Variants in USP35 observed in about 807,000 individuals in gnomAD.
USP35 encodes the protein ubiquitin specific peptidase 35.
In USP35, 69 loss-of-function variants were observed where a neutral mutation model predicts 83.8. That is an observed-to-expected ratio of 0.82 (90% CI 0.68 to 1.01). USP35 has a LOEUF of 1.01. Among genes scored for constraint, USP35 ranks in the 50% least tolerant of loss-of-function variants. The probability of loss-of-function intolerance (pLI) is 0.00; values close to 1 mark genes in which losing one functional copy is unlikely to be tolerated. For synonymous variants in USP35, 714 were observed against 589.5 expected, an observed-to-expected ratio of 1.21 and a Z score of -3.06; for missense variants, 1,503 against 1,362.5, an observed-to-expected ratio of 1.10 and a Z score of -1.62.
rs754314155 is a variant in USP35, at chr11:78,210,285, C to A, written c.2430C>A (p.Arg810=). Residue 810 remains arginine (R), a synonymous_variant, in exon 10 of 11, where the codon CGC becomes CGA. Transcript: ENST00000529308. ...GPCYLILTLL[R]FSFDLRTMRR... Reference sequence around the variant, plus strand: ...GCTACCTCATCCTCACACTGCTGCGCTTCTCTTTCGACCTGCGCACCATGC... The same window carrying A: ...GCTACCTCATCCTCACACTGCTGCGATTCTCTTTCGACCTGCGCACCATGC... 3 of 1,614,110 alleles carry A rather than the reference C, an allele frequency of 1.9e-6. No individual in the cohort carries two copies. The highest frequency in any genetic ancestry group is 2.5e-6 in the Non-Finnish European group (3 of 1,180,032).
the USP35 span, among the ~76,000 whole-genome samples, chr11:78,230,056 G>A: frequency 6.6e-6 from 1 of 152,202 alleles, no homozygotes; most frequent in Non-Finnish European, 1.5e-5. Context: ...TTTCCTTGAG[G>A]AAAGAAACTG....
downstream of USP35, chr11:78,217,555 G>T (rs186554426): frequency 6.6e-6 from 1 of 152,370 alleles, no homozygotes; most frequent in Non-Finnish European, 1.5e-5. Context: ...TTGGGAGGAA[G>T]AAGTTCTGTT....
At chr11:78,212,927 T>C (rs1590921081) in intron 10 of USP35, among the ~76,000 whole-genome samples, 2 of 151,076 alleles carry the variant, frequency 1.3e-5, no homozygotes, top group African/African-American at 2.4e-5. Context: ...GGGGAGGGGG[T>C]CCCACTACCC....
the USP35 span, among the ~76,000 whole-genome samples, chr11:78,221,085 C>G: frequency 2.6e-5 from 4 of 152,290 alleles, no homozygotes; most frequent in Middle Eastern, 3.4e-3. Flanking sequence ...GGCTCGTGCT[C>G]TAGCAGAGCA....
intron 10 of USP35, among the ~76,000 whole-genome samples, chr11:78,211,088 G>A (rs939586030): frequency 6.6e-5 from 10 of 151,854 alleles, no homozygotes; most frequent in East Asian, 5.8e-4. Flanking sequence ...CCTGAAGCTC[G>A]CCCTCCCCCG....
Position 78,214,575 on chromosome 11 carries a change from GCCTTTGTAGCTGCAA to G in USP35, c.*764_*778del, listed in dbSNP as rs1864011215. 6.6e-6 allele frequency: 1 copy of G among 151,992 alleles called. No homozygotes were observed. Among genetic ancestry groups the G allele is most frequent in the Admixed American group, 6.5e-5 (1 of 15,282 alleles). The allele number at this position is 151,992 out of a possible 1,614,324, so 9.4% of individuals were successfully genotyped here. ...GCCTGTGGGCTCCTCTGAGCAGTTG[GCCTTTGTAGCTGCAA>G]CAGCAGCCACCTGCAGGTTGGGTGA... On this transcript the variant is annotated 3_prime_UTR_variant, in exon 11 of 11. Transcript: ENST00000529308.
chr11:78,214,034 C>T lies in USP35; in HGVS notation c.*221C>T, dbSNP rs965865658. 4.2e-6 allele frequency: 2 copies of T among 478,266 alleles called. No individual in the cohort carries two copies. Among genetic ancestry groups the T allele is most frequent in the African/African-American group, 4.1e-5 (2 of 49,218 alleles). The allele number at this position is 478,266 out of a possible 1,614,324, so 29.6% of individuals were successfully genotyped here. A position where few individuals can be genotyped will look rare whatever the true frequency, so the allele number is the denominator to read the frequency against. On this transcript the variant is annotated 3_prime_UTR_variant, in exon 11 of 11. Transcript: ENST00000529308. ...CATTAAAACTTTACACCCAAGTGTC[C>T]TGGTTAACTTGAAGCAGCCGAGATG...
chr11:78,210,759 G>A lies in USP35; in HGVS notation c.2889+15G>A, dbSNP rs1159391547. ...TTTACCTACAGGTGAGCTGAGCCGT[G>A]GGGCCTTTGATCTGATCTCTTGGTG... On this transcript the variant is annotated intron_variant, in intron 10 of 10. Coordinates refer to ENST00000529308, the MANE Select transcript of USP35 (RefSeq NM_020798.4). 6.6e-7 allele frequency: 1 copy of A among 1,520,000 alleles called. No homozygotes were observed. Among genetic ancestry groups the A allele is most frequent in the Non-Finnish European group, 8.8e-7 (1 of 1,136,292 alleles). 94.2% of individuals were successfully genotyped at this position (1,520,000 alleles called of 1,614,324 possible).
the USP35 span, among the ~76,000 whole-genome samples, chr11:78,226,050 C>T: frequency 3.3e-5 from 5 of 152,194 alleles, no homozygotes; most frequent in South Asian, 2.1e-4. Context: ...ATTAAGACCT[C>T]GTTTTGCTTT....
At chr11:78,204,746 G>A (rs1394781525) in intron 6 of USP35, among the ~76,000 whole-genome samples, 2 of 152,192 alleles carry the variant, frequency 1.3e-5, no homozygotes, top group South Asian at 2.1e-4. Context: ...CTGTCTTCCC[G>A]CTGGCATCTC....
chr11:78,226,808 A>C, the USP35 span: 1 of 1,614,010 alleles, frequency 6.2e-7, no homozygotes, highest in Non-Finnish European at 8.5e-7. Flanking sequence ...CATCCTCATT[A>C]TCTGTCTCGG....
Position 78,200,764 on chromosome 11 carries a change from C to T in USP35, c.1153C>T (p.Pro385Ser), listed in dbSNP as rs749442111. 2 of 1,614,052 alleles carry T rather than the reference C, an allele frequency of 1.2e-6. No individual in the cohort carries two copies. The highest frequency in any genetic ancestry group is 1.7e-6 in the Non-Finnish European group (2 of 1,179,944). Residue 385 changes from proline to serine, a missense_variant, in exon 6 of 11, where the codon CCG becomes TCG. Transcript: ENST00000529308. ...ELVHCMVFRF[P>S]GFPDLYEPVM... ...GGTCCACTGCATGGTGTTCCGGTTC[C>T]CGGGCTTCCCGGATCTGTATGAGCC...
At chr11:78,210,781 G>A in intron 10 of USP35, 37 bp downstream of exon 10, 1 of 1,499,376 alleles carries the variant, frequency 6.7e-7, no homozygotes, top group East Asian at 2.3e-5. Flanking sequence ...CTGATCTCTT[G>A]GTGGAGGGAG....
chr11:78,195,264 A>G (rs1184609868), intron 1 of USP35, among the ~76,000 whole-genome samples: 7 of 152,216 alleles, frequency 4.6e-5, no homozygotes, highest in East Asian at 3.8e-4. Flanking sequence ...GACCAGGGCT[A>G]TTCTCACTGA....
intron 1 of USP35, among the ~76,000 whole-genome samples, chr11:78,193,064 A>G (rs1235025213): frequency 6.6e-6 from 1 of 152,132 alleles, no homozygotes; most frequent in African/African-American, 2.4e-5. Flanking sequence ...AGCATATGAA[A>G]TCCACTAGCC....
chr11:78,213,574 G>A (rs1863896169), intron 10 of USP35, 72 bp from the exon 11 acceptor site: 2 of 1,419,926 alleles, frequency 1.4e-6, no homozygotes, highest in South Asian at 1.7e-5. Context: ...GAAAGGTGTT[G>A]TGCTGGGTAG....
chr11:78,193,463 C>T (rs1275648157), intron 1 of USP35, among the ~76,000 whole-genome samples: 1 of 151,896 alleles, frequency 6.6e-6, no homozygotes, highest in African/African-American at 2.4e-5. Context: ...CCTCGGCCTC[C>T]CAGAGTGCTA....
intron 3 of USP35, 119 bp downstream of exon 3, chr11:78,198,187 C>T: frequency 1.4e-6 from 2 of 1,444,178 alleles, no homozygotes; most frequent in East Asian, 2.3e-5. Flanking sequence ...CCCAGGCCCT[C>T]ATGTGTGTTC....
chr11:78,188,938 A>G lies in USP35; in HGVS notation c.-230A>G. On this transcript the variant is annotated 5_prime_UTR_variant, in exon 1 of 11. Coordinates refer to ENST00000529308, the MANE Select transcript of USP35 (RefSeq NM_020798.4). ...TCCCGCAGCCCCGGGGCCGCGCCGCAGAGTCGGGCTTCCTGGATACATAGA... is the reference window on the plus strand; with the variant it reads ...TCCCGCAGCCCCGGGGCCGCGCCGCGGAGTCGGGCTTCCTGGATACATAGA... 1.0e-6 allele frequency: 1 copy of G among 985,596 alleles called. No homozygotes were observed. Among genetic ancestry groups the G allele is most frequent in the Non-Finnish European group, 1.2e-6 (1 of 830,092 alleles). The allele number at this position is 985,596 out of a possible 1,614,324, so 61.1% of individuals were successfully genotyped here. A position where few individuals can be genotyped will look rare whatever the true frequency, so the allele number is the denominator to read the frequency against.
Sources: allele counts gnomAD v4.1 joint callset (sites outside exome capture counted in the v4.1 genomes callset), GRCh38; gene constraint gnomAD v4.1.1; transcripts MANE v1.5; gene names NCBI Gene and HGNC (gene_info 2026-07-23, HGNC 2026-07-21).